WDPCP: variants seen among roughly 807,000 people sequenced by gnomAD.
The protein encoded by WDPCP is WD repeat containing planar cell polarity effector.
A neutral mutation model predicts 93.1 loss-of-function variants in WDPCP; 71 were observed. The ratio of observed to expected loss-of-function variants is 0.76; its 90% CI spans 0.63 to 0.93. The LOEUF (loss-of-function observed/expected upper bound fraction) is 0.93. Among genes scored for constraint, WDPCP ranks in the 40% least tolerant of loss-of-function variants. The pLI, the probability that WDPCP is intolerant of heterozygous loss-of-function variation, is 0.00. For synonymous variants in WDPCP, 315 were observed against 315.0 expected, an observed-to-expected ratio of 1.00 and a Z score of 0.00; for missense variants, 844 against 887.4, an observed-to-expected ratio of 0.95 and a Z score of 0.62.
At chr2:63,449,797 G>C (rs1469233711) in intron 6 of WDPCP, among the ~76,000 whole-genome samples, 1 of 152,034 alleles carries the variant, frequency 6.6e-6, no homozygotes, top group Non-Finnish European at 1.5e-5. Context: ...GGCTGCAGCT[G>C]GGCACCATTA....
At chr2:63,638,258 G>T (rs925007368) in intron 3 of WDPCP, among the ~76,000 whole-genome samples, 1 of 151,878 alleles carries the variant, frequency 6.6e-6, no homozygotes, top group African/African-American at 2.4e-5. Context: ...ATATTGTTCT[G>T]TATACTTGAA....
intron 2 of WDPCP, among the ~76,000 whole-genome samples, chr2:63,666,867 A>G (rs932066908): frequency 6.6e-6 from 1 of 152,216 alleles, no homozygotes; most frequent in Non-Finnish European, 1.5e-5. Context: ...GGAAATCAGC[A>G]TTGGAACCTT....
intron 14 of WDPCP, among the ~76,000 whole-genome samples, chr2:63,239,978 T>A (rs916758908): frequency 6.6e-6 from 1 of 152,186 alleles, no homozygotes; most frequent in South Asian, 2.1e-4. Context: ...TTGGCTAGAA[T>A]TTTATAGTGC....
At chr2:63,258,811 A>G (rs1342285685) in intron 14 of WDPCP, among the ~76,000 whole-genome samples, 1 of 152,166 alleles carries the variant, frequency 6.6e-6, no homozygotes, top group Non-Finnish European at 1.5e-5. Flanking sequence ...AATTCATTCT[A>G]AGGCTTCTGA....
intron 2 of WDPCP, among the ~76,000 whole-genome samples, chr2:63,808,251 G>A (rs1334811786): frequency 6.6e-6 from 1 of 151,822 alleles, no homozygotes; most frequent in Admixed American, 6.6e-5. Context: ...AAAACATAGA[G>A]AACATTTTAT....
chr2:63,793,275 T>A (rs1387469148), intron 2 of WDPCP, among the ~76,000 whole-genome samples: 1 of 152,116 alleles, frequency 6.6e-6, no homozygotes, highest in African/African-American at 2.4e-5. Flanking sequence ...GCTGAGCTTC[T>A]TGATTCTTTT....
chr2:63,829,244 G>T (rs537620760), upstream of WDPCP, among the ~76,000 whole-genome samples: 1 of 152,212 alleles, frequency 6.6e-6, no homozygotes, highest in East Asian at 1.9e-4. Flanking sequence ...CTTTACTAGT[G>T]CAATGCAACC....
intron 1 of WDPCP, among the ~76,000 whole-genome samples, chr2:63,559,709 A>G (rs942287836): frequency 6.6e-6 from 1 of 152,126 alleles, no homozygotes; most frequent in African/African-American, 2.4e-5. Flanking sequence ...AGGAATATTT[A>G]ACATAATGGT....
intron 14 of WDPCP, among the ~76,000 whole-genome samples, chr2:63,256,166 C>CT (rs1359378395): frequency 2.0e-5 from 3 of 151,824 alleles, no homozygotes; most frequent in Non-Finnish European, 2.9e-5. Flanking sequence ...GTTTTTGTTT[C>CT]TTTTTTTTCC....
At chr2:63,731,747 G>A (rs1249522650) in intron 2 of WDPCP, among the ~76,000 whole-genome samples, 1 of 152,172 alleles carries the variant, frequency 6.6e-6, no homozygotes, top group Non-Finnish European at 1.5e-5. Context: ...AAATATGAAT[G>A]CAATCTGATT....
chr2:63,829,683 G>A (rs191268283), upstream of WDPCP, among the ~76,000 whole-genome samples: 8 of 151,850 alleles, frequency 5.3e-5, no homozygotes, highest in East Asian at 9.7e-4. Flanking sequence ...TTATCCTTTC[G>A]CTTCCTTCCA....
intron 1 of WDPCP, among the ~76,000 whole-genome samples, chr2:63,566,016 T>C (rs1299030695): frequency 3.9e-5 from 6 of 152,248 alleles, no homozygotes; most frequent in Non-Finnish European, 8.8e-5. Context: ...ACTTTCTCTA[T>C]GCTACAGACA....
chr2:63,723,963 G>A (rs1669463383), intron 2 of WDPCP, among the ~76,000 whole-genome samples: 1 of 152,180 alleles, frequency 6.6e-6, no homozygotes, highest in Admixed American at 6.5e-5. Context: ...TGGAAGAACT[G>A]CTTTCATACC....
At chr2:63,391,681 G>T (rs1350452515) in intron 10 of WDPCP, among the ~76,000 whole-genome samples, 3 of 152,074 alleles carry the variant, frequency 2.0e-5, no homozygotes, top group African/African-American at 7.2e-5. Flanking sequence ...GATAAGCAAT[G>T]TCAGCAAAGT....
chr2:63,258,757 A>G (rs1311750025), intron 14 of WDPCP, among the ~76,000 whole-genome samples: 2 of 152,170 alleles, frequency 1.3e-5, no homozygotes, highest in Non-Finnish European at 2.9e-5. Context: ...AGTAATTTTT[A>G]TAAACTTTCA....
intron 2 of WDPCP, among the ~76,000 whole-genome samples, chr2:63,656,063 G>C (rs186016137): frequency 6.6e-6 from 1 of 152,180 alleles, no homozygotes; most frequent in Non-Finnish European, 1.5e-5. Flanking sequence ...CTCTTTGCAA[G>C]CCCTGTGGGG....
intron 1 of WDPCP, among the ~76,000 whole-genome samples, chr2:63,544,270 C>T (rs1704970068): frequency 6.6e-6 from 1 of 151,998 alleles, no homozygotes; most frequent in Non-Finnish European, 1.5e-5. Context: ...GCATTTAAAA[C>T]AAAACAAAAA....
At position 63,320,280 on chromosome 2, in the gene WDPCP, CA is replaced by C. The variant is rs1686984921; in HGVS notation, c.1749-6970del. ...AATAAAGACATTTGCAGGAAGAAAC[CA>C]AGAAAATTTATCACAAGTAGAACTA... is the stretch of plus-strand genomic sequence containing the variant. On this transcript the variant is annotated intron_variant, in intron 12 of 17. Transcript: ENST00000272321. 2.0e-5 allele frequency among the ~76,000 whole-genome samples: 3 copies of C among 151,938 alleles called. No individual in the cohort carries two copies. The South Asian group carries it at 6.2e-4, about 32-fold the overall frequency.
chr2:63,795,449 T>C (rs1459815304), intron 2 of WDPCP, among the ~76,000 whole-genome samples: 1 of 148,966 alleles, frequency 6.7e-6, no homozygotes, highest in African/African-American at 2.5e-5. Flanking sequence ...GAGGATCACA[T>C]GAGCCAAGGA....
Sources: allele counts gnomAD v4.1 joint callset (sites outside exome capture counted in the v4.1 genomes callset), GRCh38; gene constraint gnomAD v4.1.1; transcripts MANE v1.5; gene names NCBI Gene and HGNC (gene_info 2026-07-23, HGNC 2026-07-21).